Variants in IMPG1 observed in about 807,000 individuals in gnomAD.
The protein encoded by IMPG1 is interphotoreceptor matrix proteoglycan of 150 kDa.
IMPG1 carries 85 observed loss-of-function variants against 92.0 expected under a neutral mutation model. That is an observed-to-expected ratio of 0.92 (90% CI 0.78 to 1.11). The LOEUF (loss-of-function observed/expected upper bound fraction) is 1.11, where lower values mean the gene tolerates loss of function less well. IMPG1 is among the 50% of genes least tolerant of loss of function. The pLI is 0.00. For missense variants in IMPG1, 1,022 were observed against 956.0 expected (o/e 1.07, Z -0.91); for synonymous variants, 367 against 334.1 (o/e 1.10, Z -1.08).
chr6:76,037,927 C>A (rs947338), intron 2 of IMPG1, among the ~76,000 whole-genome samples: 149,940 of 152,338 alleles, frequency 0.98, 73,822 homozygotes, highest in East Asian at 1. Context: ...TTTTGGTCTC[C>A]GATTAAGACT....
chr6:76,004,934 C>T (rs765840314), intron 10 of IMPG1, among the ~76,000 whole-genome samples: 6 of 152,264 alleles, frequency 3.9e-5, no homozygotes, highest in East Asian at 3.9e-4. Flanking sequence ...ATCTGTTTCT[C>T]GCTGAGACCT....
chr6:76,061,437 T>C (rs531893890), intron 1 of IMPG1, among the ~76,000 whole-genome samples: 5 of 152,220 alleles, frequency 3.3e-5, no homozygotes, highest in Non-Finnish European at 7.3e-5. Flanking sequence ...GTATGTTCTC[T>C]GTTAATGAAG....
intron 4 of IMPG1, among the ~76,000 whole-genome samples, chr6:76,027,334 A>C (rs1253709339): frequency 6.6e-6 from 1 of 152,160 alleles, no homozygotes; most frequent in Non-Finnish European, 1.5e-5. Context: ...AATTAATTAC[A>C]CCCTTAACTA....
Position 76,010,867 on chromosome 6 carries a change from C to T in IMPG1, c.866+299G>A, listed in dbSNP as rs78574855. On this transcript the variant is annotated intron_variant, in intron 8 of 16. Coordinates refer to ENST00000369950, the MANE Select transcript of IMPG1 (RefSeq NM_001563.4). Reference sequence around the variant, plus strand: ...TCATCTGTCTCTACTGAGGTATTTTCCTAAGAAGCTCATTCATAACCACAT... The same window carrying T: ...TCATCTGTCTCTACTGAGGTATTTTTCTAAGAAGCTCATTCATAACCACAT... 7.5e-3 allele frequency among the ~76,000 whole-genome samples: 1,145 copies of T among 152,248 alleles called. 15 individuals are homozygous for T. Among genetic ancestry groups the T allele is most frequent in the African/African-American group, 0.026 (1,077 of 41,540 alleles).
In IMPG1 at chr6:75,974,508, C is replaced by T. The variant is rs191792310; in HGVS notation, c.1292-23414G>A. Among the ~76,000 whole-genome samples, 1,276 of 132,838 alleles carry T rather than the reference C, an allele frequency of 9.6e-3. 19 individuals are homozygous for T. Among genetic ancestry groups the T allele is most frequent in the African/African-American group, 0.033 (1,166 of 35,626 alleles). 87.1% of individuals were successfully genotyped at this position (132,838 alleles called of 152,430 possible). On this transcript the variant is annotated intron_variant, in intron 12 of 16. Transcript: ENST00000369950. ...TTTTTTTTTTTTTGAGATGAAGTTT[C>T]GCCCAGGCTGGAATGCAATGGCGTG...
intron 5 of IMPG1, 104 bp from the exon 6 acceptor site, chr6:76,022,323 C>A: frequency 1.8e-6 from 1 of 558,472 alleles, no homozygotes; most frequent in South Asian, 1.7e-5. Flanking sequence ...CTGGAATTTA[C>A]AGATATTAGG....
intron 12 of IMPG1, among the ~76,000 whole-genome samples, chr6:75,954,353 C>T (rs939539572): frequency 1.8e-4 from 28 of 152,296 alleles, no homozygotes; most frequent in Non-Finnish European, 5.9e-5. Context: ...TTGCATTTCT[C>T]TAATGACCAG....
intron 4 of IMPG1, among the ~76,000 whole-genome samples, chr6:76,029,677 C>A (rs749836131): frequency 1.3e-5 from 2 of 152,136 alleles, no homozygotes; most frequent in Non-Finnish European, 2.9e-5. Flanking sequence ...TCCTGCAAAT[C>A]CTGCCAGGTG....
At chr6:76,064,808 C>T (rs1287806353) in intron 1 of IMPG1, among the ~76,000 whole-genome samples, 1 of 152,144 alleles carries the variant, frequency 6.6e-6, no homozygotes, top group African/African-American at 2.4e-5. Flanking sequence ...TAAGTAAGTA[C>T]TACCTGCTGG....
At chr6:75,927,539 G>C (rs1217676402) in intron 15 of IMPG1, among the ~76,000 whole-genome samples, 2 of 152,130 alleles carry the variant, frequency 1.3e-5, no homozygotes, top group Non-Finnish European at 2.9e-5. Context: ...CTGTGGTCCC[G>C]TTTCTTCACT....
chr6:76,051,316 C>T (rs1047037976), intron 1 of IMPG1, among the ~76,000 whole-genome samples: 1 of 152,174 alleles, frequency 6.6e-6, no homozygotes, highest in African/African-American at 2.4e-5. Context: ...CTTAACATAC[C>T]TGAATATGTA....
intron 12 of IMPG1, among the ~76,000 whole-genome samples, chr6:75,958,035 G>A (rs957424860): frequency 2.0e-5 from 3 of 152,166 alleles, no homozygotes; most frequent in African/African-American, 4.8e-5. Context: ...TTTTTGCAGC[G>A]GCTGTTACCA....
intron 15 of IMPG1, among the ~76,000 whole-genome samples, chr6:75,930,600 A>G (rs1781647482): frequency 6.6e-6 from 1 of 152,186 alleles, no homozygotes; most frequent in Non-Finnish European, 1.5e-5. Flanking sequence ...TCCCCAATTA[A>G]GGTAGTAGAC....
At chr6:75,938,354 TTA>T (rs796835604) in intron 14 of IMPG1, among the ~76,000 whole-genome samples, 5 of 152,340 alleles carry the variant, frequency 3.3e-5, no homozygotes, top group African/African-American at 1.2e-4. Context: ...TGGAATAATG[TTA>T]TCTCTCTCCC....
At chr6:76,031,676 A>T (rs1783655239) in intron 4 of IMPG1, among the ~76,000 whole-genome samples, 1 of 152,204 alleles carries the variant, frequency 6.6e-6, no homozygotes, top group Non-Finnish European at 1.5e-5. Context: ...TAGCCTAGAC[A>T]GTTTGTTTTT....
chr6:76,038,687 G>A (rs1236607973), intron 2 of IMPG1, among the ~76,000 whole-genome samples: 1 of 152,186 alleles, frequency 6.6e-6, no homozygotes, highest in African/African-American at 2.4e-5. Flanking sequence ...GGGAGGGACT[G>A]CCACAGTGAT....
intron 12 of IMPG1, among the ~76,000 whole-genome samples, chr6:75,994,711 T>C (rs1305210309): frequency 6.6e-6 from 1 of 152,206 alleles, no homozygotes; most frequent in Admixed American, 6.5e-5. Flanking sequence ...CAATTACCTC[T>C]GGGTGGGTCC....
chr6:76,069,821 T>C (rs1252127662), intron 1 of IMPG1, among the ~76,000 whole-genome samples: 2 of 152,086 alleles, frequency 1.3e-5, no homozygotes, highest in African/African-American at 4.8e-5. Context: ...TGAAATCATG[T>C]CTTTTGCAAC....
At chr6:75,969,965 T>C (rs534672219) in intron 12 of IMPG1, among the ~76,000 whole-genome samples, 74 of 152,312 alleles carry the variant, frequency 4.9e-4, no homozygotes, top group African/African-American at 1.7e-3. Flanking sequence ...GGAAACTTCA[T>C]TGTGTTTTCT....
Sources: allele counts gnomAD v4.1 joint callset (sites outside exome capture counted in the v4.1 genomes callset), GRCh38; gene constraint gnomAD v4.1.1; transcripts MANE v1.5; gene names NCBI Gene and HGNC (gene_info 2026-07-23, HGNC 2026-07-21).